Variants in PCDHGA9 observed in about 807,000 individuals in gnomAD.
The protein encoded by PCDHGA9 is protocadherin gamma-A9.
Under a neutral mutation model 62.5 loss-of-function variants are expected in PCDHGA9, and 37 were observed. That is an observed-to-expected ratio of 0.59 (90% confidence interval 0.46 to 0.78). The LOEUF (loss-of-function observed/expected upper bound fraction) is 0.78. Ranked by LOEUF, PCDHGA9 falls within the 30% of genes least tolerant of loss-of-function variation. PCDHGA9 has a pLI of 0.00. For synonymous variants in PCDHGA9, 459 were observed against 484.6 expected (o/e 0.95, Z 0.69); for missense variants, 1,138 against 1,166.2 (o/e 0.98, Z 0.35).
intron 1 of PCDHGA9, chr5:141,410,849 C>CTTTTTTTTTCTTTTTTTTTTT (rs2095433801): frequency 7.7e-6 from 1 of 129,786 alleles, no homozygotes; most frequent in Non-Finnish European, 1.3e-5. Context: ...TTGTCTTTGT[C>CTTTTTTTTTCTTTTTTTTTTT]TTTTTTTTTT....
chr5:141,454,503 T>A (rs988138847), intron 1 of PCDHGA9, among the ~76,000 whole-genome samples: 1 of 152,308 alleles, frequency 6.6e-6, no homozygotes, highest in Non-Finnish European at 1.5e-5. Flanking sequence ...ACCTCCTGGA[T>A]TCAGGCAGTT....
chr5:141,439,709 A>G (rs2098127560), intron 1 of PCDHGA9: 1 of 152,540 alleles, frequency 6.6e-6, no homozygotes, highest in African/African-American at 2.4e-5. Context: ...TATGGCTCCT[A>G]GTTCTACAAA....
At chr5:141,468,191 G>A (rs1420885521) in intron 1 of PCDHGA9, among the ~76,000 whole-genome samples, 1 of 151,860 alleles carries the variant, frequency 6.6e-6, no homozygotes, top group African/African-American at 2.4e-5. Flanking sequence ...TGGGCATGGT[G>A]GCGGGTGCCT....
intron 3 of PCDHGA9, among the ~76,000 whole-genome samples, chr5:141,509,504 C>T (rs534951697): frequency 4.7e-4 from 72 of 152,246 alleles, no homozygotes; most frequent in Non-Finnish European, 8.4e-4. Flanking sequence ...CTGGATGTGA[C>T]GGTGTTGATG....
At chr5:141,422,344 C>A in intron 1 of PCDHGA9, 1 of 1,550,890 alleles carries the variant, frequency 6.4e-7, no homozygotes, top group Non-Finnish European at 8.7e-7. Flanking sequence ...TCTAAATGTG[C>A]AAGATCAAGA....
intron 1 of PCDHGA9, among the ~76,000 whole-genome samples, chr5:141,481,400 T>C (rs2154578591): frequency 6.6e-6 from 1 of 152,358 alleles, no homozygotes; most frequent in East Asian, 1.9e-4. Context: ...GTGACAAAAT[T>C]CTTGTATAAT....
chr5:141,509,273 C>T (rs1026035086), intron 3 of PCDHGA9, among the ~76,000 whole-genome samples: 1 of 152,098 alleles, frequency 6.6e-6, no homozygotes, highest in Admixed American at 6.5e-5. Flanking sequence ...CTCTCGCTAC[C>T]CGCTCCCAGG....
rs1561748501 is a variant in PCDHGA9 at position 141,414,351 on chromosome 5, G to GT, written c.2424+8976dup. On this transcript the variant is annotated intron_variant, in intron 1 of 3. Coordinates refer to ENST00000573521, the MANE Select transcript of PCDHGA9 (RefSeq NM_018921.3). ...GACAGGTAACCTGTTCCATTTTGGC[G>GT]TATCTACCATTTAAATTAGAAAAGT... 2.5e-6 allele frequency: 4 copies of GT among 1,613,794 alleles called. No individual in the cohort carries two copies. The South Asian group carries it at 3.3e-5, about 13-fold the overall frequency.
chr5:141,414,009 TGGA>T (rs2095701451), intron 1 of PCDHGA9: 2 of 1,612,964 alleles, frequency 1.2e-6, no homozygotes, highest in Middle Eastern at 1.7e-4. Context: ...AAGGTGCCAA[TGGA>T]GAAGTGACAT....
intron 1 of PCDHGA9, among the ~76,000 whole-genome samples, chr5:141,456,918 G>A (rs535602842): frequency 6.6e-6 from 1 of 152,006 alleles, no homozygotes; most frequent in African/African-American, 2.4e-5. Context: ...AGCCGAGATC[G>A]CACCACTGCA....
intron 1 of PCDHGA9, among the ~76,000 whole-genome samples, chr5:141,470,014 A>G (rs1394478856): frequency 6.6e-6 from 1 of 152,200 alleles, no homozygotes; most frequent in Non-Finnish European, 1.5e-5. Flanking sequence ...CTGTAATCCC[A>G]GCTACTCGGG....
chr5:141,412,790 A>G lies in PCDHGA9; in HGVS notation c.2424+7414A>G, dbSNP rs557299291. ...ATTTACAATATTTTCACTCCACTTTATCACACCTCCCCTAAGAAACCTACA... is the reference window on the plus strand; with the variant it reads ...ATTTACAATATTTTCACTCCACTTTGTCACACCTCCCCTAAGAAACCTACA... On this transcript the variant is annotated intron_variant, in intron 1 of 3. Coordinates refer to ENST00000573521, the MANE Select transcript of PCDHGA9 (RefSeq NM_018921.3). Among the ~76,000 whole-genome samples the G allele has an allele frequency of 2.0e-5, 3 of 152,370 alleles. No individual in the cohort carries two copies. The South Asian group carries it at 6.2e-4, about 32-fold the overall frequency.
intron 1 of PCDHGA9, chr5:141,422,451 C>A: frequency 6.2e-7 from 1 of 1,611,518 alleles, no homozygotes; most frequent in East Asian, 2.2e-5. Context: ...TGATAACAAG[C>A]AGAGTGCTGG....
chr5:141,485,563 C>A lies in PCDHGA9; in HGVS notation c.2425-9244C>A. 2 of 1,612,904 alleles carry A rather than the reference C, an allele frequency of 1.2e-6. No individual in the cohort carries two copies. The highest frequency in any genetic ancestry group is 1.7e-6 in the Non-Finnish European group (2 of 1,179,034). ...AGATCGTAGATGTGAATGATCACGC[C>A]CCCCGTTTTCCGCGGCAGCAGCTGG... On this transcript the variant is annotated intron_variant, in intron 1 of 3. Coordinates refer to ENST00000573521, the MANE Select transcript of PCDHGA9 (RefSeq NM_018921.3). This position sits in a 1 kb window ranked among gnomAD's most constrained non-coding sequence, Gnocchi z 5.7.
intron 1 of PCDHGA9, chr5:141,426,796 T>C (rs1053668481): frequency 8.8e-6 from 4 of 456,720 alleles, no homozygotes. Context: ...AGTTACCAGC[T>C]CAGTTCTAAT....
At position 141,485,321 on chromosome 5, in the gene PCDHGA9, C is replaced by G. The variant is rs780179631; in HGVS notation, c.2425-9486C>G. The G allele has an allele frequency of 6.2e-7, 1 of 1,614,154 alleles. No homozygotes were observed. Among genetic ancestry groups the G allele is most frequent in the Non-Finnish European group, 8.5e-7 (1 of 1,180,024 alleles). On this transcript the variant is annotated intron_variant, in intron 1 of 3. Transcript: ENST00000573521. This position sits in a 1 kb window ranked among gnomAD's most constrained non-coding sequence, Gnocchi z 5.7. The stretch of plus-strand genomic sequence containing the variant: ...AGGGACTTTTGTAGGGAATGTCGCT[C>G]AAGATTTCCTGCTGGATACGGACAG...
chr5:141,478,532 G>T, intron 1 of PCDHGA9: 1 of 1,607,858 alleles, frequency 6.2e-7, no homozygotes, highest in East Asian at 2.2e-5. Flanking sequence ...TGCAGAGAGC[G>T]CCCCTCCCGG....
At chr5:141,503,023 A>AAT (rs2099817696) in intron 2 of PCDHGA9, among the ~76,000 whole-genome samples, 1 of 141,888 alleles carries the variant, frequency 7.0e-6, no homozygotes, top group African/African-American at 2.6e-5. Context: ...TTTTTTTTTT[A>AAT]ATATCTATTT....
chr5:141,414,576 G>A, intron 1 of PCDHGA9: 1 of 1,613,898 alleles, frequency 6.2e-7, no homozygotes, highest in Non-Finnish European at 8.5e-7. Context: ...ATATCCCAGA[G>A]AACAACGCCA....
Sources: allele counts gnomAD v4.1 joint callset (sites outside exome capture counted in the v4.1 genomes callset), GRCh38; gene constraint gnomAD v4.1.1; non-coding constraint Gnocchi (gnomAD v3.1); transcripts MANE v1.5; gene names NCBI Gene and HGNC (gene_info 2026-07-23, HGNC 2026-07-21).